The following PDZD2 variants were observed in gnomAD, a reference collection of about 807,000 sequenced individuals.
PDZD2 encodes PDZ domain containing 2.
Under a neutral mutation model 220.7 loss-of-function variants are expected in PDZD2, and 90 were observed. That is an observed-to-expected ratio of 0.41 (90% CI 0.34 to 0.49). The LOEUF is 0.49. PDZD2 is among the 20% of genes least tolerant of loss of function. The pLI, the probability that PDZD2 is intolerant of heterozygous loss-of-function variation, is 0.28. For missense variants in PDZD2, 3,174 were observed against 3,608.5 expected, an observed-to-expected ratio of 0.88 and a Z score of 3.08; for synonymous variants, 1,375 against 1,450.5, an observed-to-expected ratio of 0.95 and a Z score of 1.18.
At chr5:31,787,707 A>C (rs1474843557) in intron 1 of PDZD2, 1 of 152,024 alleles carries the variant, frequency 6.6e-6, no homozygotes, top group Admixed American at 6.6e-5. Flanking sequence ...ATAAAATTGA[A>C]GGCTGGAGGA....
At chr5:31,683,222 A>AAAAAAG (rs1554062510) in intron 1 of PDZD2, among the ~76,000 whole-genome samples, 4 of 148,644 alleles carry the variant, frequency 2.7e-5, no homozygotes, top group South Asian at 4.3e-4. Context: ...AAAAAAAAAA[A>AAAAAAG]AAAGAAAGAA....
intron 2 of PDZD2, among the ~76,000 whole-genome samples, chr5:31,860,764 C>T (rs1186025559): frequency 7.2e-5 from 11 of 152,120 alleles, no homozygotes; most frequent in Non-Finnish European, 8.8e-5. Flanking sequence ...TGCTTCTGTA[C>T]GGAGTATTGG....
intron 23 of PDZD2, 178 bp from the exon 24 acceptor site, chr5:32,100,927 A>T (rs548689047): frequency 1.3e-6 from 2 of 1,596,622 alleles, no homozygotes; most frequent in Admixed American, 3.3e-5. Context: ...CAGAATTGGG[A>T]GGCCAACAGT....
intron 1 of PDZD2, among the ~76,000 whole-genome samples, chr5:31,726,200 C>T (rs1346601329): frequency 1.3e-5 from 2 of 152,158 alleles, no homozygotes; most frequent in Non-Finnish European, 2.9e-5. Flanking sequence ...TTGCACATGC[C>T]GTTGCCACCT....
At chr5:32,039,006 A>C (rs912510924) in intron 7 of PDZD2, among the ~76,000 whole-genome samples, 6 of 152,290 alleles carry the variant, frequency 3.9e-5, no homozygotes, top group African/African-American at 1.4e-4. Context: ...ATTGGTGGAG[A>C]GGGCATGCCC....
intron 6 of PDZD2, among the ~76,000 whole-genome samples, chr5:32,021,587 C>T (rs112442929): frequency 0.023 from 3,431 of 152,180 alleles, 133 homozygotes; most frequent in African/African-American, 0.076. Context: ...CATGAGCCAC[C>T]GCATCTGGCC....
chr5:31,674,197 G>A (rs1169029657), intron 1 of PDZD2, among the ~76,000 whole-genome samples: 3 of 152,188 alleles, frequency 2.0e-5, no homozygotes, highest in South Asian at 2.1e-4. Flanking sequence ...TCAGGAAGAT[G>A]GCTTAGACCA....
chr5:31,974,128 CCGCTACCA>C (rs1197625012), intron 2 of PDZD2, among the ~76,000 whole-genome samples: 1 of 152,054 alleles, frequency 6.6e-6, no homozygotes, highest in Non-Finnish European at 1.5e-5. Flanking sequence ...TTACAGGCAC[CCGCTACCA>C]CGCCCAGCTA....
At chr5:31,844,292 G>A (rs543482466) in intron 2 of PDZD2, among the ~76,000 whole-genome samples, 3 of 152,232 alleles carry the variant, frequency 2.0e-5, no homozygotes, top group East Asian at 1.9e-4. Flanking sequence ...AATTATAAAT[G>A]GAGTGAGAGA....
chr5:32,026,262 A>G (rs6450886), intron 6 of PDZD2, among the ~76,000 whole-genome samples: 85,127 of 151,640 alleles, frequency 0.56, 24,099 homozygotes, highest in South Asian at 0.62. Flanking sequence ...TCAGCCTCCC[A>G]AGTAGCTGAG....
chr5:32,086,409 C>T (rs964466806), intron 19 of PDZD2, among the ~76,000 whole-genome samples: 1 of 152,080 alleles, frequency 6.6e-6, no homozygotes, highest in Non-Finnish European at 1.5e-5. Context: ...CCCAAGTGTG[C>T]AATGATTAAA....
intron 1 of PDZD2, among the ~76,000 whole-genome samples, chr5:31,657,018 C>A (rs1745577140): frequency 6.6e-6 from 1 of 152,164 alleles, no homozygotes; most frequent in Non-Finnish European, 1.5e-5. Context: ...CTCTTTGTAG[C>A]CCTCAGCTCG....
chr5:31,776,158 C>G lies in PDZD2; in HGVS notation c.-360-22731C>G, dbSNP rs1350361224. Among the ~76,000 whole-genome samples, 4 of 152,274 alleles carry G rather than the reference C, an allele frequency of 2.6e-5. No individual in the cohort carries two copies. The East Asian group carries it at 7.7e-4, about 29-fold the overall frequency. On this transcript the variant is annotated intron_variant, in intron 1 of 24. Transcript: ENST00000438447. ...TAAGGGGCCTTCACTGGCGGAGCCCCTAGGTCTCTGCCGTTCCCTAGGTCA... is the reference window on the plus strand; with the variant it reads ...TAAGGGGCCTTCACTGGCGGAGCCCGTAGGTCTCTGCCGTTCCCTAGGTCA...
At chr5:32,060,869 C>T (rs1301957328) in intron 13 of PDZD2, 133 bp from the exon 14 acceptor site, 2 of 642,130 alleles carry the variant, frequency 3.1e-6, no homozygotes, top group Admixed American at 4.7e-5. Context: ...TGTATGCCAA[C>T]GGGAAAAGAT....
chr5:31,643,296 G>A lies in PDZD2; in HGVS notation c.-361+3859G>A, dbSNP rs531200626. ...TGGATGAAAAGTTTTGGACTACTCT[G>A]AGCAGTTGGGTCTCCCTGTTTGCAC... On this transcript the variant is annotated intron_variant, in intron 1 of 24. Coordinates refer to ENST00000438447, the MANE Select transcript of PDZD2 (RefSeq NM_178140.4). Among the ~76,000 whole-genome samples the A allele has an allele frequency of 1.1e-4, 16 of 152,304 alleles. No homozygotes were observed. In the South Asian group the frequency reaches 3.1e-3, roughly 30 times the overall value.
chr5:31,815,831 T>A lies in PDZD2; in HGVS notation c.476+16107T>A, dbSNP rs571850088. ...TAAATGTGTAAATAAATTTTTTTTT[T>A]AAATTTAGGTAAGGTTACAAAAATA... is the stretch of plus-strand genomic sequence containing the variant. On this transcript the variant is annotated intron_variant, in intron 2 of 24. Coordinates refer to ENST00000438447, the MANE Select transcript of PDZD2 (RefSeq NM_178140.4). Among the ~76,000 whole-genome samples the A allele has an allele frequency of 8.2e-4, 125 of 152,244 alleles. 1 individual carries two copies. Among genetic ancestry groups the A allele is most frequent in the African/African-American group, 1.9e-3 (81 of 41,552 alleles).
intron 1 of PDZD2, among the ~76,000 whole-genome samples, chr5:31,778,335 A>C (rs1370588446): frequency 6.6e-6 from 1 of 152,106 alleles, no homozygotes; most frequent in African/African-American, 2.4e-5. Flanking sequence ...CCCCTTCCAC[A>C]CTGTGGAAGC....
chr5:31,662,786 C>A (rs536532968), intron 1 of PDZD2, among the ~76,000 whole-genome samples: 4 of 152,314 alleles, frequency 2.6e-5, no homozygotes, highest in East Asian at 1.9e-4. Context: ...CCCACCACCA[C>A]GCCCAGCTAA....
intron 2 of PDZD2, among the ~76,000 whole-genome samples, chr5:31,960,072 T>G (rs1396352913): frequency 6.6e-6 from 1 of 152,182 alleles, no homozygotes; most frequent in Non-Finnish European, 1.5e-5. Context: ...TAATTATATC[T>G]TCAAAGACCC....
Sources: allele counts gnomAD v4.1 joint callset (sites outside exome capture counted in the v4.1 genomes callset), GRCh38; gene constraint gnomAD v4.1.1; transcripts MANE v1.5; gene names NCBI Gene and HGNC (gene_info 2026-07-23, HGNC 2026-07-21).